Variants in HIRA observed in about 807,000 individuals in gnomAD.
The protein encoded by HIRA is histone cell cycle regulator, also known as protein HIRA.
Under a neutral mutation model 126.6 loss-of-function variants are expected in HIRA, and 13 were observed. The ratio of observed to expected loss-of-function variants is 0.10; its 90% CI spans 0.07 to 0.16. HIRA has a LOEUF of 0.16. HIRA is among the 10% of genes least tolerant of loss of function. HIRA has a pLI of 1.00. For synonymous variants in HIRA, 511 were observed against 520.0 expected (o/e 0.98, Z 0.24); for missense variants, 834 against 1,314.4 (o/e 0.63, Z 5.65).
chr22:19,408,089 ACTGT>A (rs2089322116), intron 3 of HIRA, among the ~76,000 whole-genome samples: 1 of 152,188 alleles, frequency 6.6e-6, no homozygotes, highest in Admixed American at 6.5e-5. Flanking sequence ...AAACCATCAC[ACTGT>A]CTGATGGCCA....
At chr22:19,428,918 GCTGAGCAGCCCCTGCT>G (rs1311484911) in intron 1 of HIRA, among the ~76,000 whole-genome samples, 1 of 152,162 alleles carries the variant, frequency 6.6e-6, no homozygotes, top group Non-Finnish European at 1.5e-5. Context: ...CAGGCTTCCG[GCTGAGCAGCCCCTGCT>G]CCCAGCAGCC....
chr22:19,418,903 A>G (rs2089421346), intron 1 of HIRA, among the ~76,000 whole-genome samples: 1 of 150,888 alleles, frequency 6.6e-6, no homozygotes, highest in African/African-American at 2.4e-5. Context: ...GTGTGAATCT[A>G]TAATCATCTC....
At chr22:19,411,852 G>A (rs2089355487) in intron 1 of HIRA, among the ~76,000 whole-genome samples, 3 of 152,192 alleles carry the variant, frequency 2.0e-5, no homozygotes, top group East Asian at 3.8e-4. Context: ...GTGGCTGTCT[G>A]AGAACTGTGA....
chr22:19,431,397 C>A, intron 1 of HIRA, 43 bp downstream of exon 1: 1 of 1,601,400 alleles, frequency 6.2e-7, no homozygotes, highest in Non-Finnish European at 8.5e-7. Context: ...AGACCCCGAC[C>A]CGACTCCGGG....
chr22:19,387,622 A>C, intron 11 of HIRA, 89 bp downstream of exon 11: 1 of 859,706 alleles, frequency 1.2e-6, no homozygotes, highest in Non-Finnish European at 1.9e-6. Flanking sequence ...TGTGTATCTC[A>C]CAAGAAGAGG....
intron 24 of HIRA, among the ~76,000 whole-genome samples, chr22:19,335,363 G>A (rs1045681774): frequency 7.3e-5 from 11 of 151,500 alleles, no homozygotes; most frequent in Non-Finnish European, 7.4e-5. Context: ...TTGTGTCTTC[G>A]CCTCCTGAGT....
chr22:19,349,992 CTT>C (rs1241492973), intron 24 of HIRA, among the ~76,000 whole-genome samples: 3 of 144,896 alleles, frequency 2.1e-5, no homozygotes, highest in African/African-American at 2.5e-5. Context: ...TTTTTCTTTT[CTT>C]TTTTTTTTTT....
rs1338849587 is a variant in HIRA at position 19,405,322 on chromosome 22, CCT to C, written c.397+462_397+463del. 1.4e-5 allele frequency: 3 copies of C among 208,754 alleles called. No homozygotes were observed. In the East Asian group the frequency reaches 5.5e-4, roughly 39 times the overall value. 12.9% of individuals were successfully genotyped at this position (208,754 alleles called of 1,614,324 possible). A position where few individuals can be genotyped will look rare whatever the true frequency, so the allele number is the denominator to read the frequency against. Reference sequence around the variant, plus strand: ...TGTACAGTGCATGGGCAACCTTCCCCCTCAGTCTAAATTCATAAAATGTGCTT... The same window carrying C: ...TGTACAGTGCATGGGCAACCTTCCCCCAGTCTAAATTCATAAAATGTGCTT... On this transcript the variant is annotated intron_variant, in intron 5 of 24. Transcript: ENST00000263208.
At chr22:19,373,985 T>C (rs2088993191) in intron 15 of HIRA, among the ~76,000 whole-genome samples, 1 of 137,840 alleles carries the variant, frequency 7.3e-6, no homozygotes, top group African/African-American at 2.5e-5. Context: ...TCCTGTGAAC[T>C]AGTTATTCAT....
chr22:19,331,526 G>T lies in HIRA; in HGVS notation c.2968C>A (p.Leu990Met), dbSNP rs1058472. ...AGGTTCTGCCCGATGACTGGTAGCA[G>T]CTCCTTCAGCAGCTCCCTCTTCCGC... ...GLRKRELLKE[L>M]LPVIGQNLRF... Residue 990 changes from leucine (L) to methionine (M), a missense_variant, in exon 25 of 25, where the codon CTG becomes ATG. By Grantham distance (15) the Leu-to-Met change is conservative (BLOSUM62 2). Transcript: ENST00000263208. 1.2e-6 allele frequency: 2 copies of T among 1,609,754 alleles called. No homozygotes were observed. Among genetic ancestry groups the T allele is most frequent in the Non-Finnish European group, 1.7e-6 (2 of 1,176,986 alleles).
At chr22:19,361,023 G>GCTTGGGATTC (rs2088858492) in intron 17 of HIRA, among the ~76,000 whole-genome samples, 1 of 152,252 alleles carries the variant, frequency 6.6e-6, no homozygotes, top group Admixed American at 6.5e-5. Flanking sequence ...CAAGGGCAAA[G>GCTTGGGATTC]CCAGACAGAG....
chr22:19,429,515 C>A (rs1240147715), intron 1 of HIRA, among the ~76,000 whole-genome samples: 1 of 152,178 alleles, frequency 6.6e-6, no homozygotes, highest in East Asian at 1.9e-4. Context: ...ACGCTCCCAA[C>A]TGAGTATCAC....
intron 1 of HIRA, among the ~76,000 whole-genome samples, chr22:19,416,130 G>A (rs1179966620): frequency 1.3e-5 from 2 of 152,126 alleles, no homozygotes; most frequent in Admixed American, 6.5e-5. Context: ...ATTCAATGGG[G>A]AAAGAACAGT....
At chr22:19,361,090 C>T (rs909843087) in intron 17 of HIRA, 147 bp downstream of exon 17, 19 of 658,534 alleles carry the variant, frequency 2.9e-5, no homozygotes, top group African/African-American at 2.5e-4. Flanking sequence ...GTGGGTACCC[C>T]GATCTGCTAT....
Position 19,331,446 on chromosome 22 carries a change from G to C in HIRA, c.3048C>G (p.Asp1016Glu), listed in dbSNP as rs781958890. 1.2e-6 allele frequency: 2 copies of C among 1,613,960 alleles called. No homozygotes were observed. The highest frequency in any genetic ancestry group is 4.5e-5 in the East Asian group (2 of 44,880). ...CAGGGCAGGCTGGGGCAGGCTACTT[G>C]TCCCTCAGGATGTCGAGCTGTTCCT... ...ECQEQLDILR[D>E]K Residue 1016 changes from aspartate (D) to glutamate (E), a missense_variant, in exon 25 of 25, where the codon GAC (aspartate) becomes GAG (glutamate). This residue lies in a region of HIRA where 58 missense variants were observed against 114.5 expected (regional missense o/e 0.51). Transcript: ENST00000263208.
chr22:19,340,472 A>C (rs562955582), intron 24 of HIRA, among the ~76,000 whole-genome samples: 1 of 152,288 alleles, frequency 6.6e-6, no homozygotes, highest in East Asian at 1.9e-4. Flanking sequence ...AAGGATGCCC[A>C]CTGTCACCAC....
Position 19,351,565 on chromosome 22 carries a change from C to A in HIRA, c.2849-119G>T. On this transcript the variant is annotated intron_variant, in intron 23 of 24. Transcript: ENST00000263208. This position sits in a 1 kb window ranked among gnomAD's most constrained non-coding sequence, Gnocchi z 4.8. ...TGTGTCTATCAAATCAGAATAAACA[C>A]ATGCGTATTTTATTGCCTACTATGG... 2.5e-6 allele frequency: 2 copies of A among 797,914 alleles called. No individual in the cohort carries two copies. The highest frequency in any genetic ancestry group is 3.4e-5 in the South Asian group (2 of 58,416). The allele number at this position is 797,914 out of a possible 1,614,324, so 49.4% of individuals were successfully genotyped here.
intron 21 of HIRA, among the ~76,000 whole-genome samples, chr22:19,354,392 T>C (rs2088789971): frequency 6.6e-6 from 1 of 152,204 alleles, no homozygotes; most frequent in Admixed American, 6.5e-5. Flanking sequence ...CAGCTCCATA[T>C]GTTGGTTCCT....
At chr22:19,357,696 T>G (rs1556013102) in intron 18 of HIRA, among the ~76,000 whole-genome samples, 1 of 152,086 alleles carries the variant, frequency 6.6e-6, no homozygotes, top group Non-Finnish European at 1.5e-5. Flanking sequence ...AGGCTGGAGC[T>G]CAGACGCAGG....
Sources: gnomAD v4.1 joint callset for allele counts (sites outside exome capture counted in the v4.1 genomes callset) on GRCh38, gnomAD v4.1.1 for gene constraint, gnomAD v4.1.1 regional missense constraint, Gnocchi (gnomAD v3.1) non-coding constraint, MANE v1.5 for transcripts, NCBI Gene and HGNC (gene_info 2026-07-23, HGNC 2026-07-21) for gene names.